Variants in SLC2A13 observed in about 807,000 individuals in gnomAD.
SLC2A13 encodes proton myo-inositol cotransporter.
Under a neutral mutation model 64.4 loss-of-function variants are expected in SLC2A13, and 32 were observed. That is an observed-to-expected ratio of 0.50 (90% CI 0.37 to 0.67). SLC2A13 has a LOEUF of 0.67. SLC2A13 is among the 30% of genes least tolerant of loss of function. SLC2A13 has a pLI of 0.00. For synonymous variants in SLC2A13, 338 were observed against 327.1 expected, an observed-to-expected ratio of 1.03 and a Z score of -0.36; for missense variants, 743 against 829.2, an observed-to-expected ratio of 0.90 and a Z score of 1.28.
At chr12:39,941,006 TCC>T (rs755182633) in intron 4 of SLC2A13, among the ~76,000 whole-genome samples, 42 of 152,216 alleles carry the variant, frequency 2.8e-4, no homozygotes, top group Non-Finnish European at 4.7e-4. Context: ...AATAATAGTC[TCC>T]AATCTCATCT....
chr12:39,846,153 C>G (rs1943305456), intron 6 of SLC2A13, among the ~76,000 whole-genome samples: 1 of 152,114 alleles, frequency 6.6e-6, no homozygotes, highest in Non-Finnish European at 1.5e-5. Flanking sequence ...TGCTCACATT[C>G]AGAACCATAT....
intron 4 of SLC2A13, among the ~76,000 whole-genome samples, chr12:39,891,901 TG>T (rs1944618577): frequency 1.3e-5 from 2 of 152,302 alleles, no homozygotes; most frequent in South Asian, 2.1e-4. Flanking sequence ...TAGTTGTCTA[TG>T]GTTTTTCTAA....
chr12:40,065,309 G>C (rs17442241), intron 1 of SLC2A13, among the ~76,000 whole-genome samples: 1 of 152,034 alleles, frequency 6.6e-6, no homozygotes, highest in Non-Finnish European at 1.5e-5. Context: ...AGGCATGGTG[G>C]CTCACACCTA....
intron 2 of SLC2A13, among the ~76,000 whole-genome samples, chr12:40,031,308 C>T (rs547683007): frequency 9.5e-4 from 145 of 152,166 alleles, no homozygotes; most frequent in African/African-American, 3.4e-3. Flanking sequence ...CTGCAACCTC[C>T]GCCTCCCGGG....
chr12:39,900,100 T>C lies in SLC2A13; in HGVS notation c.1035-28139A>G, dbSNP rs945110286. Among the ~76,000 whole-genome samples, 24 of 152,160 alleles carry C rather than the reference T, an allele frequency of 1.6e-4. 2 individuals are homozygous for C. On this transcript the variant is annotated intron_variant, in intron 4 of 9. Transcript: ENST00000280871. The stretch of plus-strand genomic sequence containing the variant: ...ACCAAAGACAAAAACCACATGATTA[T>C]CTCAATAGAGGCAGAAAAGGCCTTT...
intron 7 of SLC2A13, among the ~76,000 whole-genome samples, chr12:39,813,428 T>C (rs574592301): frequency 4.6e-5 from 7 of 152,144 alleles, no homozygotes; most frequent in Non-Finnish European, 1.0e-4. Flanking sequence ...ATCTAAATTG[T>C]CACTTAATCC....
chr12:39,855,962 T>A (rs554190857), intron 6 of SLC2A13, among the ~76,000 whole-genome samples: 148 of 152,210 alleles, frequency 9.7e-4, no homozygotes, highest in Non-Finnish European at 1.8e-3. Flanking sequence ...TGACCTGTTT[T>A]ATGCCCAGAG....
intron 3 of SLC2A13, among the ~76,000 whole-genome samples, chr12:39,985,856 C>A (rs1000594794): frequency 6.6e-6 from 1 of 151,942 alleles, no homozygotes; most frequent in African/African-American, 2.4e-5. Context: ...AGTCATGATA[C>A]GAAAAATGGA....
intron 4 of SLC2A13, among the ~76,000 whole-genome samples, chr12:39,924,750 T>C (rs1945687109): frequency 6.6e-6 from 1 of 152,148 alleles, no homozygotes; most frequent in Non-Finnish European, 1.5e-5. Flanking sequence ...GTGAAAATAC[T>C]AGAGAAAAAA....
chr12:39,869,125 C>T (rs558677316), intron 5 of SLC2A13, among the ~76,000 whole-genome samples: 44 of 152,230 alleles, frequency 2.9e-4, no homozygotes, highest in African/African-American at 1.0e-3. Context: ...TATATATCTA[C>T]ATATAAATGA....
At chr12:39,764,127 GTTTT>G (rs968628923) in intron 9 of SLC2A13, among the ~76,000 whole-genome samples, 2 of 151,132 alleles carry the variant, frequency 1.3e-5, no homozygotes, top group African/African-American at 4.8e-5. Flanking sequence ...ACCATTTTCT[GTTTT>G]TTTTTTTTGT....
Position 39,845,816 on chromosome 12 carries a change from GT to G in SLC2A13, c.1320-15589del, listed in dbSNP as rs1211945324. On this transcript the variant is annotated intron_variant, in intron 6 of 9. Transcript: ENST00000280871. ...AACCAATAGGAATTAGGGAAGTGGT[GT>G]TGGGGTGGGTCAAAATACCAATGTT... Among the ~76,000 whole-genome samples, 4 of 152,286 alleles carry G rather than the reference GT, an allele frequency of 2.6e-5. No homozygotes were observed. The East Asian group carries it at 7.7e-4, about 29-fold the overall frequency.
intron 1 of SLC2A13, among the ~76,000 whole-genome samples, chr12:40,049,845 T>C (rs1273553153): frequency 1.3e-5 from 2 of 152,298 alleles, no homozygotes; most frequent in Admixed American, 1.3e-4. Flanking sequence ...TAAGTAGTTA[T>C]TAAATTTGCA....
chr12:39,962,842 C>T (rs1946438989), intron 3 of SLC2A13, among the ~76,000 whole-genome samples: 1 of 152,146 alleles, frequency 6.6e-6, no homozygotes, highest in African/African-American at 2.4e-5. Flanking sequence ...TGATGTTGTG[C>T]AGGTTCCTTA....
chr12:40,105,238 G>A lies in SLC2A13; in HGVS notation c.556+15C>T. 1.9e-6 allele frequency: 3 copies of A among 1,556,612 alleles called. 1 individual carries two copies. In the South Asian group the frequency reaches 3.6e-5, roughly 18 times the overall value. On this transcript the variant is annotated intron_variant, in intron 1 of 9. Coordinates refer to ENST00000280871, the MANE Select transcript of SLC2A13 (RefSeq NM_052885.4). The surrounding 1 kb of genome is among the most constrained non-coding windows in gnomAD (Gnocchi z 4.2). ...CAATGGGATCCCGGGCGCCCTTCACGGAGCCCGAACTCACCGATGCCGAGT... is the reference window on the plus strand; with the variant it reads ...CAATGGGATCCCGGGCGCCCTTCACAGAGCCCGAACTCACCGATGCCGAGT...
chr12:39,808,080 G>A (rs1274741709), intron 7 of SLC2A13, among the ~76,000 whole-genome samples: 2 of 152,126 alleles, frequency 1.3e-5, no homozygotes, highest in African/African-American at 2.4e-5. Context: ...ACAGACAAGA[G>A]AGTAAACATT....
chr12:39,980,852 C>A (rs1312581065), intron 3 of SLC2A13, among the ~76,000 whole-genome samples: 2 of 151,892 alleles, frequency 1.3e-5, no homozygotes, highest in Non-Finnish European at 2.9e-5. Flanking sequence ...ACTCTCCACC[C>A]CAAATCAACA....
At chr12:39,773,273 AATCAG>A (rs1940651194) in intron 7 of SLC2A13, among the ~76,000 whole-genome samples, 1 of 152,190 alleles carries the variant, frequency 6.6e-6, no homozygotes, top group Non-Finnish European at 1.5e-5. Flanking sequence ...AATTGCATGC[AATCAG>A]GTGAAATATG....
At chr12:39,786,452 C>T (rs989880168) in intron 7 of SLC2A13, among the ~76,000 whole-genome samples, 1 of 148,362 alleles carries the variant, frequency 6.7e-6, no homozygotes, top group African/African-American at 2.5e-5. Flanking sequence ...TTCAGTATGT[C>T]TTTATCAGCA....
Sources: gnomAD v4.1 joint callset for allele counts (sites outside exome capture counted in the v4.1 genomes callset) on GRCh38, gnomAD v4.1.1 for gene constraint, Gnocchi (gnomAD v3.1) non-coding constraint, MANE v1.5 for transcripts, NCBI Gene and HGNC (gene_info 2026-07-23, HGNC 2026-07-21) for gene names.